Variants in GATAD2A observed in about 807,000 individuals in gnomAD.
GATAD2A encodes transcriptional repressor p66-alpha.
In GATAD2A, 12 loss-of-function variants were observed where a neutral mutation model predicts 68.5. That is an observed-to-expected ratio of 0.18 (90% CI 0.11 to 0.28). The LOEUF (loss-of-function observed/expected upper bound fraction) is 0.28. Ranked by LOEUF, GATAD2A falls within the 10% of genes least tolerant of loss-of-function variation. The probability of loss-of-function intolerance (pLI) is 1.00; values close to 1 mark genes in which losing one functional copy is unlikely to be tolerated. For synonymous variants in GATAD2A, 410 were observed against 375.3 expected, an observed-to-expected ratio of 1.09 and a Z score of -1.07; for missense variants, 755 against 868.5, an observed-to-expected ratio of 0.87 and a Z score of 1.64.
At chr19:19,487,054 C>T (rs948760989) in intron 2 of GATAD2A, among the ~76,000 whole-genome samples, 1 of 152,212 alleles carries the variant, frequency 6.6e-6, no homozygotes, top group Non-Finnish European at 1.5e-5. Flanking sequence ...TCCACAGGAG[C>T]ATGCGGGCTC....
intron 9 of GATAD2A, 21 bp downstream of exon 9, chr19:19,501,437 G>C (rs769614960): frequency 1.3e-6 from 2 of 1,556,994 alleles, no homozygotes; most frequent in African/African-American, 1.4e-5. Flanking sequence ...CCTGCTGCCG[G>C]CAGTGCCGTC....
intron 4 of GATAD2A, among the ~76,000 whole-genome samples, chr19:19,493,480 C>G (rs1455229716): frequency 3.9e-5 from 6 of 152,212 alleles, no homozygotes; most frequent in Admixed American, 3.9e-4. Flanking sequence ...GCTTCTGTTT[C>G]TTCTTCCCTG....
At chr19:19,394,531 T>G (rs1169744745) in intron 1 of GATAD2A, among the ~76,000 whole-genome samples, 1 of 151,198 alleles carries the variant, frequency 6.6e-6, no homozygotes, top group East Asian at 2.0e-4. Flanking sequence ...CTGCAACCTC[T>G]GCCTCCCAGG....
In GATAD2A at chr19:19,398,520, CT is replaced by C. The variant is rs555321430; in HGVS notation, c.-7+12386del. On this transcript the variant is annotated intron_variant, in intron 1 of 11. Coordinates refer to the GATAD2A transcript ENST00000360315. ...CCGGCCAGCTAATTTTATTTTTTAA[CT>C]TTTGTCTCACTGTGTTGCCCAGGCT... Among the ~76,000 whole-genome samples, 438 of 141,714 alleles carry C rather than the reference CT, an allele frequency of 3.1e-3. 5 individuals carry two copies. Among genetic ancestry groups the C allele is most frequent in the African/African-American group, 0.011 (421 of 38,118 alleles). 93.0% of individuals were successfully genotyped at this position (141,714 alleles called of 152,430 possible).
intron 1 of GATAD2A, among the ~76,000 whole-genome samples, chr19:19,436,726 G>A (rs1389668296): frequency 6.6e-6 from 1 of 152,246 alleles, no homozygotes; most frequent in Non-Finnish European, 1.5e-5. Context: ...CCAGGGCATT[G>A]CTGGGTACCT....
chr19:19,399,444 G>C (rs1013917822), intron 1 of GATAD2A, among the ~76,000 whole-genome samples: 1 of 152,098 alleles, frequency 6.6e-6, no homozygotes, highest in Non-Finnish European at 1.5e-5. Flanking sequence ...GCCCGCCTGG[G>C]TCTCCCAAAG....
At chr19:19,479,831 C>CTTTTTTT (rs35537344) in intron 2 of GATAD2A, among the ~76,000 whole-genome samples, 19 of 85,588 alleles carry the variant, frequency 2.2e-4, no homozygotes, top group Non-Finnish European at 2.9e-4. Context: ...GTGGCCCACT[C>CTTTTTTT]TTTTTTTTTT....
intron 1 of GATAD2A, chr19:19,427,541 C>T (rs1184167223): frequency 6.6e-6 from 1 of 152,142 alleles, no homozygotes; most frequent in African/African-American, 2.4e-5. Flanking sequence ...TATGGGTTTT[C>T]TTCAGTCCCT....
At chr19:19,492,489 T>C in intron 3 of GATAD2A, 51 bp downstream of exon 3, 1 of 1,612,646 alleles carries the variant, frequency 6.2e-7, no homozygotes, top group Non-Finnish European at 8.5e-7. Flanking sequence ...CCCTTCCTAC[T>C]CATGACACCC....
intron 11 of GATAD2A, among the ~76,000 whole-genome samples, chr19:19,503,673 T>TGTGTGTG (rs2060695530): frequency 6.6e-6 from 1 of 150,702 alleles, no homozygotes; most frequent in African/African-American, 2.4e-5. Flanking sequence ...TGTGTGTGTG[T>TGTGTGTG]TTAAAGTTTG....
rs746647512 is a variant in GATAD2A at position 19,492,631 on chromosome 19, A to G, written c.453A>G (p.Glu151=). The G allele has an allele frequency of 1.2e-6, 2 of 1,614,162 alleles. No individual in the cohort carries two copies. The highest frequency in any genetic ancestry group is 2.7e-5 in the African/African-American group (2 of 75,060). Residue 151 remains glutamate, a synonymous_variant, in exon 4 of 12, where the codon GAA becomes GAG. Coordinates refer to ENST00000683918, the MANE Select transcript of GATAD2A (RefSeq NM_001384528.1). Reference sequence around the variant, plus strand: ...GGATGATCAAGCAGCTGAAGGAAGAATTGAGGTTAGAAGAAGCAAAACTCG... The same window carrying G: ...GGATGATCAAGCAGCTGAAGGAAGAGTTGAGGTTAGAAGAAGCAAAACTCG... ...RERMIKQLKE[E]LRLEEAKLVL...
intron 1 of GATAD2A, chr19:19,440,171 A>G (rs2054838507): frequency 4.8e-6 from 2 of 417,596 alleles, no homozygotes; most frequent in Non-Finnish European, 9.5e-6. Context: ...AGAAAAAAGA[A>G]CAATGTAAAG....
At chr19:19,496,295 G>A in intron 7 of GATAD2A, 76 bp downstream of exon 7, 1 of 1,329,676 alleles carries the variant, frequency 7.5e-7, no homozygotes, top group Non-Finnish European at 1.1e-6. Context: ...CCAGGTTCTG[G>A]GGCACAGTAG....
intron 1 of GATAD2A, among the ~76,000 whole-genome samples, chr19:19,461,730 C>G (rs1306284473): frequency 6.6e-6 from 1 of 152,250 alleles, no homozygotes; most frequent in Non-Finnish European, 1.5e-5. Flanking sequence ...GACCGATGCC[C>G]ACTCAGCCTT....
chr19:19,440,284 T>A (rs919089582), intron 1 of GATAD2A: 6 of 233,394 alleles, frequency 2.6e-5, no homozygotes, highest in Non-Finnish European at 5.0e-5. Flanking sequence ...TTATTTATTT[T>A]TTTTGAGATG....
At chr19:19,396,141 T>G (rs1438795291) in intron 1 of GATAD2A, among the ~76,000 whole-genome samples, 1 of 152,016 alleles carries the variant, frequency 6.6e-6, no homozygotes, top group African/African-American at 2.4e-5. Context: ...GCCAACATAG[T>G]GAAACCCTGT....
chr19:19,436,910 C>T (rs1413370430), intron 1 of GATAD2A, among the ~76,000 whole-genome samples: 1 of 152,174 alleles, frequency 6.6e-6, no homozygotes, highest in Non-Finnish European at 1.5e-5. Context: ...GGTGACTTGC[C>T]TAGGGATTCA....
chr19:19,413,919 G>C (rs937715653), intron 1 of GATAD2A, among the ~76,000 whole-genome samples: 1 of 152,144 alleles, frequency 6.6e-6, no homozygotes, highest in African/African-American at 2.4e-5. Flanking sequence ...TTCGTTTGAT[G>C]AACTGACCTC....
At chr19:19,409,304 G>C (rs2050651791) in intron 1 of GATAD2A, among the ~76,000 whole-genome samples, 1 of 152,072 alleles carries the variant, frequency 6.6e-6, no homozygotes, top group South Asian at 2.1e-4. Context: ...AATTTATGCT[G>C]GTTGTAGAAA....
Sources: allele counts gnomAD v4.1 joint callset (sites outside exome capture counted in the v4.1 genomes callset), GRCh38; gene constraint gnomAD v4.1.1; transcripts MANE v1.5; gene names NCBI Gene and HGNC (gene_info 2026-07-23, HGNC 2026-07-21).